The following ETS1 variants were observed in gnomAD, a reference collection of about 807,000 sequenced individuals.
The protein encoded by ETS1 is protein C-ets-1.
Under a neutral mutation model 58.6 loss-of-function variants are expected in ETS1, and 15 were observed. The observed-to-expected ratio is 0.26, with a 90% CI of 0.17 to 0.39. The LOEUF (loss-of-function observed/expected upper bound fraction) is 0.39, where lower values mean the gene tolerates loss of function less well. Ranked by LOEUF, ETS1 falls within the 10% of genes least tolerant of loss-of-function variation. The pLI is 1.00. For missense variants in ETS1, 417 were observed against 610.5 expected (o/e 0.68, Z 3.34); for synonymous variants, 214 against 218.2 (o/e 0.98, Z 0.17).
chr11:128,521,377 G>T (rs1484760483), intron 3 of ETS1, among the ~76,000 whole-genome samples: 1 of 152,104 alleles, frequency 6.6e-6, no homozygotes, highest in East Asian at 1.9e-4. Flanking sequence ...ATTCTCCTCC[G>T]ATCTCCTTAC....
intron 1 of ETS1, among the ~76,000 whole-genome samples, chr11:128,578,841 TTGTA>T (rs1389712794): frequency 6.6e-6 from 1 of 152,222 alleles, no homozygotes; most frequent in Non-Finnish European, 1.5e-5. Flanking sequence ...AAGTATTCTA[TTGTA>T]TGTATATATC....
chr11:128,572,933 A>G (rs1252406864), intron 2 of ETS1, 129 bp downstream of exon 2: 3 of 659,864 alleles, frequency 4.5e-6, no homozygotes, highest in African/African-American at 1.8e-5. Context: ...CAAAAGATTC[A>G]AAGCTGATTC....
At chr11:128,541,294 T>C (rs1012400788) in intron 3 of ETS1, among the ~76,000 whole-genome samples, 7 of 152,160 alleles carry the variant, frequency 4.6e-5, no homozygotes, top group Non-Finnish European at 8.8e-5. Flanking sequence ...TGTTGATTAA[T>C]AGGGGACAAA....
chr11:128,507,739 C>G (rs1030774663), intron 3 of ETS1, among the ~76,000 whole-genome samples: 4 of 152,174 alleles, frequency 2.6e-5, no homozygotes, highest in African/African-American at 9.7e-5. Flanking sequence ...TTATTATCTT[C>G]AGGGGGCTGC....
At chr11:128,484,429 C>T (rs921767451) in intron 7 of ETS1, among the ~76,000 whole-genome samples, 1 of 152,190 alleles carries the variant, frequency 6.6e-6, no homozygotes, top group Non-Finnish European at 1.5e-5. Context: ...AGCACCAGGA[C>T]ACATGCTAAG....
chr11:128,574,259 G>A (rs1244155469), intron 1 of ETS1, among the ~76,000 whole-genome samples: 2 of 152,190 alleles, frequency 1.3e-5, no homozygotes, highest in African/African-American at 2.4e-5. Context: ...ACCTCCTGAA[G>A]TCATAACTTA....
At chr11:128,568,785 ACCTC>A (rs79275573) in intron 2 of ETS1, among the ~76,000 whole-genome samples, 3,396 of 152,232 alleles carry the variant, frequency 0.022, 137 homozygotes, top group East Asian at 0.15. Context: ...CGTTAATGTG[ACCTC>A]TAATTTACAA....
At chr11:128,537,712 T>C (rs933932741) in intron 3 of ETS1, among the ~76,000 whole-genome samples, 5 of 152,190 alleles carry the variant, frequency 3.3e-5, no homozygotes, top group Non-Finnish European at 7.3e-5. Context: ...GCTTTTTTTT[T>C]ACCACTTATA....
At chr11:128,521,618 A>C (rs1863671939) in intron 3 of ETS1, among the ~76,000 whole-genome samples, 1 of 152,222 alleles carries the variant, frequency 6.6e-6, no homozygotes. Flanking sequence ...GGGAAAATAA[A>C]AAAAGCAGGA....
In ETS1 at chr11:128,489,629, T is replaced by G. The variant is rs535149498; in HGVS notation, c.335-139A>C. The G allele has an allele frequency of 6.4e-4, 427 of 668,388 alleles. 2 individuals carry two copies. Among genetic ancestry groups the G allele is most frequent in the Middle Eastern group, 4.9e-3 (12 of 2,452 alleles). 41.4% of individuals were successfully genotyped at this position (668,388 alleles called of 1,614,324 possible). A position where few individuals can be genotyped will look rare whatever the true frequency, so the allele number is the denominator to read the frequency against. On this transcript the variant is annotated intron_variant, in intron 4 of 9. Coordinates refer to ENST00000392668, the MANE Select transcript of ETS1 (RefSeq NM_001143820.2). ...CGAATGAGGAAGCATCAGCCTAGCC[T>G]GCACATCATTGAGTGCCTTCCATAA... is the stretch of plus-strand genomic sequence containing the variant.
intron 8 of ETS1, among the ~76,000 whole-genome samples, chr11:128,469,378 G>A (rs1345521739): frequency 6.6e-6 from 1 of 152,182 alleles, no homozygotes; most frequent in African/African-American, 2.4e-5. Flanking sequence ...CCAGCCAGGT[G>A]TCTCTACCCA....
intron 3 of ETS1, chr11:128,528,907 T>C (rs1323702199): frequency 2.0e-5 from 3 of 152,232 alleles, no homozygotes; most frequent in Non-Finnish European, 4.4e-5. Context: ...AATTTTTTAT[T>C]CTGAGACTTC....
chr11:128,467,222 A>G (rs1862063541), intron 8 of ETS1, among the ~76,000 whole-genome samples: 1 of 152,174 alleles, frequency 6.6e-6, no homozygotes, highest in South Asian at 2.1e-4. Context: ...CTCCACAGCA[A>G]TGCATCACCC....
intron 3 of ETS1, among the ~76,000 whole-genome samples, chr11:128,517,123 G>A (rs1380450690): frequency 1.3e-5 from 2 of 152,154 alleles, no homozygotes; most frequent in African/African-American, 4.8e-5. Flanking sequence ...GCCAGGCCTG[G>A]GGACAACCCA....
chr11:128,480,151 G>T (rs149270563), intron 8 of ETS1, 40 bp downstream of exon 8: 28 of 1,605,490 alleles, frequency 1.7e-5, no homozygotes, highest in Non-Finnish European at 1.7e-6. Context: ...CCACAGAAAC[G>T]TGCAGATGGA....
chr11:128,487,206 C>G (rs1862656630), intron 5 of ETS1, among the ~76,000 whole-genome samples: 3 of 152,232 alleles, frequency 2.0e-5, no homozygotes, highest in Admixed American at 2.0e-4. Context: ...ATGCTCATCT[C>G]TTCAAGTAAC....
At position 128,573,147 on chromosome 11, in the gene ETS1, G is replaced by T. The variant is rs780990856; in HGVS notation, c.-14-3C>A. ...GTAGCTCATTCTGCTCTCAGCACCT[G>T]TGTGAGAGAAGGCGTTGGCTGAGCC... On this transcript the variant is annotated splice_polypyrimidine_tract_variant and splice_region_variant and intron_variant, in intron 1 of 9. Coordinates refer to ENST00000392668, the MANE Select transcript of ETS1 (RefSeq NM_001143820.2). The T allele has an allele frequency of 6.4e-7, 1 of 1,568,318 alleles. No homozygotes were observed. Among genetic ancestry groups the T allele is most frequent in the Non-Finnish European group, 8.7e-7 (1 of 1,154,378 alleles).
At chr11:128,563,521 G>A (rs147087521) in intron 2 of ETS1, among the ~76,000 whole-genome samples, 1 of 152,226 alleles carries the variant, frequency 6.6e-6, no homozygotes, top group African/African-American at 2.4e-5. Flanking sequence ...GAGGAGTTCG[G>A]CCTCCATGAT....
chr11:128,509,241 T>C (rs905201997), intron 3 of ETS1, among the ~76,000 whole-genome samples: 2 of 152,196 alleles, frequency 1.3e-5, no homozygotes, highest in African/African-American at 4.8e-5. Context: ...TTTTTAAAAA[T>C]CTCCAATTGA....
Sources: allele counts gnomAD v4.1 joint callset (sites outside exome capture counted in the v4.1 genomes callset), GRCh38; gene constraint gnomAD v4.1.1; transcripts MANE v1.5; gene names NCBI Gene and HGNC (gene_info 2026-07-23, HGNC 2026-07-21).